Variants in SMOC1 observed in about 807,000 individuals in gnomAD.
The protein encoded by SMOC1 is SPARC-related modular calcium-binding protein 1.
Under a neutral mutation model 56.3 loss-of-function variants are expected in SMOC1, and 22 were observed. The ratio of observed to expected loss-of-function variants is 0.39; its 90% CI spans 0.28 to 0.56. The LOEUF is 0.56. Ranked by LOEUF, SMOC1 falls within the 20% of genes least tolerant of loss-of-function variation. SMOC1 has a pLI of 0.61. For synonymous variants in SMOC1, 193 were observed against 215.0 expected (o/e 0.90, Z 0.89); for missense variants, 509 against 565.4 (o/e 0.90, Z 1.01).
Position 69,921,022 on chromosome 14 carries a change from G to T in SMOC1, c.100-31116G>T, listed in dbSNP as rs547204292. Among the ~76,000 whole-genome samples, 4 of 152,278 alleles carry T rather than the reference G, an allele frequency of 2.6e-5. No individual in the cohort carries two copies. The South Asian group carries it at 8.3e-4, about 32-fold the overall frequency. On this transcript the variant is annotated intron_variant, in intron 1 of 11. Transcript: ENST00000361956. ...CTGGTCCCTCACTCCATTCCTTGTG[G>T]GTGAGGACCCATAGTTGGTCGCCCA...
chr14:70,024,101 T>C (rs1338340720), intron 11 of SMOC1, among the ~76,000 whole-genome samples: 1 of 151,890 alleles, frequency 6.6e-6, no homozygotes, highest in Non-Finnish European at 1.5e-5. Flanking sequence ...GAAGGCTGGG[T>C]TTTATGGGCC....
At chr14:70,028,521 G>A (rs1259347068) in intron 11 of SMOC1, among the ~76,000 whole-genome samples, 1 of 152,240 alleles carries the variant, frequency 6.6e-6, no homozygotes, top group East Asian at 1.9e-4. Flanking sequence ...GTCGCTCTGA[G>A]GATTAACTGA....
At chr14:69,919,921 CCT>C (rs1459752002) in intron 1 of SMOC1, among the ~76,000 whole-genome samples, 5 of 148,582 alleles carry the variant, frequency 3.4e-5, no homozygotes, top group Admixed American at 3.3e-4. Flanking sequence ...CCCCCCCCCC[CCT>C]TTCTCCCCTG....
chr14:69,950,167 A>T (rs1882940801), intron 1 of SMOC1, among the ~76,000 whole-genome samples: 1 of 152,188 alleles, frequency 6.6e-6, no homozygotes, highest in African/African-American at 2.4e-5. Flanking sequence ...TTCACTGTCC[A>T]TTTGGACAAG....
intron 10 of SMOC1, among the ~76,000 whole-genome samples, chr14:70,017,284 A>G (rs1352554240): frequency 6.6e-6 from 1 of 152,168 alleles, no homozygotes; most frequent in African/African-American, 2.4e-5. Flanking sequence ...GCCAGGACCC[A>G]GGGACTTGGA....
intron 3 of SMOC1, among the ~76,000 whole-genome samples, 165 bp downstream of exon 3, chr14:69,953,697 G>A (rs553977071): frequency 9.9e-5 from 15 of 152,190 alleles, no homozygotes; most frequent in Middle Eastern, 3.4e-3. Flanking sequence ...GGCCCTCCCC[G>A]TCCCTCCATG....
chr14:69,940,520 G>A (rs2139414370), intron 1 of SMOC1, among the ~76,000 whole-genome samples: 1 of 152,312 alleles, frequency 6.6e-6, no homozygotes, highest in Middle Eastern at 3.4e-3. Flanking sequence ...CAGGTGGAGC[G>A]ATGGTGCTAA....
chr14:69,906,462 A>G (rs1048276724), intron 1 of SMOC1, among the ~76,000 whole-genome samples: 1 of 152,206 alleles, frequency 6.6e-6, no homozygotes, highest in Admixed American at 6.5e-5. Flanking sequence ...GTGAGTGAAG[A>G]TATCAGCAGA....
chr14:69,986,378 C>T (rs371512862), intron 5 of SMOC1, among the ~76,000 whole-genome samples: 21 of 152,010 alleles, frequency 1.4e-4, no homozygotes, highest in South Asian at 4.2e-4. Context: ...TTGCAGAGAA[C>T]GATACACACA....
intron 7 of SMOC1, among the ~76,000 whole-genome samples, chr14:70,007,243 C>T (rs1885179183): frequency 6.6e-6 from 1 of 152,198 alleles, no homozygotes; most frequent in Non-Finnish European, 1.5e-5. Context: ...ATGAGGATAA[C>T]AACACTGCCC....
At position 70,013,455 on chromosome 14, in the gene SMOC1, A is replaced by G. The variant is rs1408155374; in HGVS notation, c.1010A>G (p.Gln337Arg). The G allele has an allele frequency of 3.1e-6, 5 of 1,614,222 alleles. No individual in the cohort carries two copies. The South Asian group carries it at 4.4e-5, about 14-fold the overall frequency. ...LLDALTTDMV[Q>R]AINSAAPTGG... is the part of the protein sequence containing the mutation. ...GATGCTCTCACCACTGACATGGTTC[A>G]GGCCATTAACTCAGCAGCGCCCACT... Residue 337 changes from glutamine to arginine, a missense_variant, in exon 10 of 12, where the codon CAG (glutamine) becomes CGG (arginine). This residue lies in a region of SMOC1 where 176 missense variants were observed against 188.1 expected (regional missense o/e 0.94). Transcript: ENST00000361956.
chr14:69,936,261 T>A (rs2139404316), intron 1 of SMOC1, among the ~76,000 whole-genome samples: 1 of 152,260 alleles, frequency 6.6e-6, no homozygotes, highest in Admixed American at 6.5e-5. Context: ...CTTGGGACAT[T>A]AGAGTTCATC....
At chr14:70,003,308 A>G (rs929386791) in intron 7 of SMOC1, among the ~76,000 whole-genome samples, 1 of 152,190 alleles carries the variant, frequency 6.6e-6, no homozygotes, top group Non-Finnish European at 1.5e-5. Context: ...ATGAAACCCA[A>G]GTAAGTGCCT....
At chr14:69,923,259 G>A (rs1327014017) in intron 1 of SMOC1, among the ~76,000 whole-genome samples, 2 of 152,110 alleles carry the variant, frequency 1.3e-5, no homozygotes, top group Non-Finnish European at 1.5e-5. Flanking sequence ...CCTCTTTACT[G>A]TGCACCCTCC....
chr14:69,978,073 G>A (rs1045576304), intron 5 of SMOC1, 108 bp downstream of exon 5: 22 of 879,560 alleles, frequency 2.5e-5, no homozygotes, highest in South Asian at 5.3e-5. Context: ...AAGGTGTCCC[G>A]CAGAACATCT....
At chr14:69,891,607 C>T (rs1883964446) in intron 1 of SMOC1, among the ~76,000 whole-genome samples, 1 of 152,092 alleles carries the variant, frequency 6.6e-6, no homozygotes, top group Non-Finnish European at 1.5e-5. Flanking sequence ...CTCCTCAGGG[C>T]CAGGAGGGGC....
intron 10 of SMOC1, among the ~76,000 whole-genome samples, chr14:70,016,607 G>A (rs1234075827): frequency 6.6e-6 from 1 of 152,190 alleles, no homozygotes; most frequent in African/African-American, 2.4e-5. Context: ...TCTTCCCACT[G>A]TATTCAGCAT....
chr14:69,917,003 A>G (rs1231260791), intron 1 of SMOC1, among the ~76,000 whole-genome samples: 2 of 152,242 alleles, frequency 1.3e-5, no homozygotes. Context: ...GCATTATAAT[A>G]CGGTGGTGGT....
intron 1 of SMOC1, among the ~76,000 whole-genome samples, chr14:69,901,946 T>C (rs896799250): frequency 2.6e-5 from 4 of 152,374 alleles, no homozygotes; most frequent in Admixed American, 1.3e-4. Flanking sequence ...CAATAGAATC[T>C]CTACTTTCCT....
Sources: gnomAD v4.1 joint callset for allele counts (sites outside exome capture counted in the v4.1 genomes callset) on GRCh38, gnomAD v4.1.1 for gene constraint, gnomAD v4.1.1 regional missense constraint, MANE v1.5 for transcripts, NCBI Gene and HGNC (gene_info 2026-07-23, HGNC 2026-07-21) for gene names.